CRB1: variants seen among roughly 807,000 people sequenced by gnomAD.
The protein encoded by CRB1 is protein crumbs homolog 1.
A neutral mutation model predicts 120.0 loss-of-function variants in CRB1; 83 were observed. That is an observed-to-expected ratio of 0.69 (90% confidence interval 0.58 to 0.83). The LOEUF is 0.83. CRB1 is among the 40% of genes least tolerant of loss of function. The probability of loss-of-function intolerance (pLI) is 0.00; values close to 1 mark genes in which losing one functional copy is unlikely to be tolerated. For missense variants in CRB1, 1,699 were observed against 1,687.6 expected, an observed-to-expected ratio of 1.01 and a Z score of -0.12; for synonymous variants, 625 against 612.5, an observed-to-expected ratio of 1.02 and a Z score of -0.30.
chr1:197,276,479 G>T (rs1356492492), intron 1 of CRB1, among the ~76,000 whole-genome samples: 2 of 151,780 alleles, frequency 1.3e-5, no homozygotes, highest in South Asian at 4.2e-4. Flanking sequence ...GTGAATAGAA[G>T]AGACCACAAT....
At chr1:197,381,616 G>C (rs1661962409) in intron 5 of CRB1, among the ~76,000 whole-genome samples, 1 of 152,058 alleles carries the variant, frequency 6.6e-6, no homozygotes, top group Non-Finnish European at 1.5e-5. Flanking sequence ...ACATAGTTTG[G>C]TCAAATTAAG....
At chr1:197,353,795 C>A (rs551418186) in intron 4 of CRB1, among the ~76,000 whole-genome samples, 3 of 139,424 alleles carry the variant, frequency 2.2e-5, no homozygotes, top group Non-Finnish European at 4.5e-5. Flanking sequence ...AGTGAGACTC[C>A]GTCTCAAAAA....
chr1:197,464,372 C>T (rs983814703), intron 11 of CRB1, among the ~76,000 whole-genome samples: 35 of 152,254 alleles, frequency 2.3e-4, no homozygotes, highest in African/African-American at 7.7e-4. Context: ...GGCCTAGTGA[C>T]TAATCATGGT....
chr1:197,341,219 A>G (rs1468591081), intron 2 of CRB1, among the ~76,000 whole-genome samples: 2 of 152,152 alleles, frequency 1.3e-5, no homozygotes, highest in African/African-American at 4.8e-5. Context: ...CCTGTGAGAT[A>G]ACTGAAGAAG....
rs114923808 is a variant in CRB1, at chr1:197,297,774, A to G, written c.70+29292A>G. ...GAAAAGAGAATTCACAAAGGAGCCT[A>G]TAGAACTTAGAGGGGAAAAGAAAAA... On this transcript the variant is annotated intron_variant, in intron 1 of 11. Transcript: ENST00000367400. Among the ~76,000 whole-genome samples, 858 of 152,250 alleles carry G rather than the reference A, an allele frequency of 5.6e-3. 9 individuals are homozygous for G. Among genetic ancestry groups the G allele is most frequent in the African/African-American group, 0.019 (779 of 41,560 alleles).
chr1:197,253,171 G>A, the CRB1 span, among the ~76,000 whole-genome samples: 4 of 151,866 alleles, frequency 2.6e-5, no homozygotes, highest in African/African-American at 9.7e-5. Flanking sequence ...CATACCATTC[G>A]TTACTTCTCT....
At chr1:197,399,344 T>A (rs938778701) in intron 5 of CRB1, among the ~76,000 whole-genome samples, 2 of 152,124 alleles carry the variant, frequency 1.3e-5, no homozygotes, top group Non-Finnish European at 2.9e-5. Context: ...GGAACATGAG[T>A]GTTTTTTACA....
intron 5 of CRB1, among the ~76,000 whole-genome samples, chr1:197,391,037 G>A (rs1662481155): frequency 6.6e-6 from 1 of 152,076 alleles, no homozygotes; most frequent in African/African-American, 2.4e-5. Context: ...CAAGCAGAAA[G>A]TTTCATGGTA....
intron 4 of CRB1, among the ~76,000 whole-genome samples, chr1:197,354,144 T>C (rs1660284443): frequency 6.6e-6 from 1 of 152,288 alleles, no homozygotes; most frequent in African/African-American, 2.4e-5. Context: ...TATTTGGTGA[T>C]AGCAAAGGTT....
the CRB1 span, among the ~76,000 whole-genome samples, chr1:197,224,458 T>A: frequency 6.6e-6 from 1 of 152,302 alleles, no homozygotes; most frequent in South Asian, 2.1e-4. Context: ...GTATACTTTA[T>A]AAATAATATC....
intron 1 of CRB1, among the ~76,000 whole-genome samples, chr1:197,296,260 ATGT>A (rs1454780691): frequency 6.6e-6 from 1 of 152,038 alleles, no homozygotes; most frequent in African/African-American, 2.4e-5. Context: ...TACTTACCAG[ATGT>A]TTTGCCTCAG....
At chr1:197,400,971 T>C (rs1571476537) in intron 5 of CRB1, among the ~76,000 whole-genome samples, 1 of 152,120 alleles carries the variant, frequency 6.6e-6, no homozygotes, top group African/African-American at 2.4e-5. Context: ...TATTCTTCCC[T>C]TCCCCAACAC....
At chr1:197,221,996 A>G in the CRB1 span, among the ~76,000 whole-genome samples, 8,845 of 152,314 alleles carry the variant, frequency 0.058, 864 homozygotes, top group African/African-American at 0.2. Context: ...AAATATTTCT[A>G]TATCAAATAT....
intron 5 of CRB1, among the ~76,000 whole-genome samples, chr1:197,367,294 A>G (rs1661128001): frequency 6.6e-6 from 1 of 152,180 alleles, no homozygotes; most frequent in Non-Finnish European, 1.5e-5. Flanking sequence ...CCCAAGGGAA[A>G]ATGAAAGAAC....
intron 11 of CRB1, among the ~76,000 whole-genome samples, chr1:197,449,322 G>A (rs1665842930): frequency 1.3e-5 from 2 of 151,960 alleles, no homozygotes; most frequent in Non-Finnish European, 2.9e-5. Context: ...CAGAGATTAT[G>A]AATGAATTCT....
chr1:197,355,917 A>AGGGCT (rs1660454585), intron 4 of CRB1, among the ~76,000 whole-genome samples: 1 of 152,226 alleles, frequency 6.6e-6, no homozygotes, highest in South Asian at 2.1e-4. Flanking sequence ...GCCCAGAGCG[A>AGGGCT]GCGAGGGCTG....
At chr1:197,350,680 T>C in intron 4 of CRB1, among the ~76,000 whole-genome samples, 1 of 152,316 alleles carries the variant, frequency 6.6e-6, no homozygotes. Context: ...TAAGAGGCTA[T>C]ACTAAATTCT....
chr1:197,251,484 T>G, the CRB1 span, among the ~76,000 whole-genome samples: 1 of 152,040 alleles, frequency 6.6e-6, no homozygotes, highest in African/African-American at 2.4e-5. Flanking sequence ...AAATATTTAT[T>G]TAATGAATGA....
the CRB1 span, among the ~76,000 whole-genome samples, chr1:197,204,414 C>G: frequency 5.9e-5 from 9 of 152,308 alleles, no homozygotes; most frequent in Middle Eastern, 6.8e-3. Flanking sequence ...AAAGTGTTCC[C>G]TTTTCACCAT....
Sources: gnomAD v4.1 joint callset for allele counts (sites outside exome capture counted in the v4.1 genomes callset) on GRCh38, gnomAD v4.1.1 for gene constraint, MANE v1.5 for transcripts, NCBI Gene and HGNC (gene_info 2026-07-23, HGNC 2026-07-21) for gene names.